Variants in SEC63 observed in about 807,000 individuals in gnomAD.
The protein encoded by SEC63 is translocation protein SEC63 homolog.
In SEC63, 56 loss-of-function variants were observed where a neutral mutation model predicts 116.2. The observed-to-expected ratio is 0.48, with a 90% CI of 0.39 to 0.60. The LOEUF (loss-of-function observed/expected upper bound fraction) is 0.60, where lower values mean the gene tolerates loss of function less well. Ranked by LOEUF, SEC63 falls within the 20% of genes least tolerant of loss-of-function variation. The pLI is 0.00. For missense variants in SEC63, 668 were observed against 900.0 expected (o/e 0.74, Z 3.30); for synonymous variants, 273 against 294.6 (o/e 0.93, Z 0.75).
At chr6:107,897,354 A>G (rs550996251) in intron 14 of SEC63, among the ~76,000 whole-genome samples, 2 of 152,362 alleles carry the variant, frequency 1.3e-5, no homozygotes, top group South Asian at 4.1e-4. Context: ...TGAAATTCTC[A>G]TCAGTAACAA....
chr6:107,907,122 C>A (rs1277275027), intron 8 of SEC63, among the ~76,000 whole-genome samples: 1 of 151,944 alleles, frequency 6.6e-6, no homozygotes, highest in East Asian at 1.9e-4. Flanking sequence ...AAAAGGGGGC[C>A]CTATGATTAA....
chr6:107,922,746 C>A (rs1045968267), intron 3 of SEC63, among the ~76,000 whole-genome samples: 4 of 151,952 alleles, frequency 2.6e-5, no homozygotes, highest in African/African-American at 9.7e-5. Flanking sequence ...TGACTATGAT[C>A]AATGCAATAA....
intron 14 of SEC63, among the ~76,000 whole-genome samples, chr6:107,894,520 A>AT (rs10685629): frequency 0.021 from 3,219 of 151,074 alleles, 44 homozygotes; most frequent in Middle Eastern, 0.059. Context: ...TAAAAAAAAA[A>AT]CACCATGAAA....
At chr6:107,879,696 G>A (rs1786366412) in intron 18 of SEC63, among the ~76,000 whole-genome samples, 1 of 150,946 alleles carries the variant, frequency 6.6e-6, no homozygotes, top group Admixed American at 6.6e-5. Context: ...ATTTGAAAAA[G>A]GCATTTTGCT....
chr6:107,924,338 G>A (rs1787624864), intron 3 of SEC63, among the ~76,000 whole-genome samples: 1 of 150,710 alleles, frequency 6.6e-6, no homozygotes, highest in Admixed American at 6.6e-5. Context: ...TAGCACTTTG[G>A]GAGGCCGAGG....
intron 4 of SEC63, among the ~76,000 whole-genome samples, chr6:107,921,584 T>C (rs554627096): frequency 4.5e-4 from 69 of 152,098 alleles, no homozygotes; most frequent in African/African-American, 1.6e-3. Context: ...CCCAAGTAGC[T>C]AGGACTACAG....
At chr6:107,931,937 G>A (rs941907471) in intron 1 of SEC63, 1 of 152,772 alleles carries the variant, frequency 6.5e-6, no homozygotes, top group African/African-American at 2.4e-5. Flanking sequence ...ACCTTCCAGT[G>A]GCCTAAGACA....
intron 7 of SEC63, among the ~76,000 whole-genome samples, chr6:107,910,007 GCACA>G (rs1194096773): frequency 6.6e-6 from 1 of 152,046 alleles, no homozygotes; most frequent in African/African-American, 2.4e-5. Flanking sequence ...ACAGAATAAT[GCACA>G]CATACAGTAA....
chr6:107,904,409 C>CAA (rs1385624947), intron 11 of SEC63, among the ~76,000 whole-genome samples: 19 of 111,754 alleles, frequency 1.7e-4, no homozygotes, highest in African/African-American at 5.0e-4. Flanking sequence ...GACTCCATCT[C>CAA]AAAAAAAAAA....
intron 1 of SEC63, among the ~76,000 whole-genome samples, chr6:107,934,552 G>A (rs1390220300): frequency 1.4e-5 from 2 of 140,108 alleles, no homozygotes; most frequent in East Asian, 2.2e-4. Context: ...GAGCCCCTAC[G>A]CCTGGCAGCC....
chr6:107,953,134 C>A (rs1770614334), intron 1 of SEC63, among the ~76,000 whole-genome samples: 1 of 152,150 alleles, frequency 6.6e-6, no homozygotes, highest in Non-Finnish European at 1.5e-5. Context: ...GTGGCTCGCG[C>A]CAGTTTTCCT....
At chr6:107,939,014 A>G (rs1770315034) in intron 1 of SEC63, among the ~76,000 whole-genome samples, 1 of 152,230 alleles carries the variant, frequency 6.6e-6, no homozygotes, top group Non-Finnish European at 1.5e-5. Context: ...CGGGCACAGT[A>G]GCTCATGCCT....
chr6:107,950,350 C>G (rs1770553526), intron 1 of SEC63, among the ~76,000 whole-genome samples: 1 of 152,106 alleles, frequency 6.6e-6, no homozygotes. Flanking sequence ...AATACACCCT[C>G]CATCCCCAAA....
chr6:107,895,086 C>T (rs1786783821), intron 14 of SEC63, among the ~76,000 whole-genome samples: 1 of 152,204 alleles, frequency 6.6e-6, no homozygotes, highest in African/African-American at 2.4e-5. Flanking sequence ...GGTTCTGATA[C>T]TTGATTACTC....
intron 16 of SEC63, among the ~76,000 whole-genome samples, chr6:107,886,715 T>C (rs2114413848): frequency 6.6e-6 from 1 of 151,358 alleles, no homozygotes; most frequent in Admixed American, 6.6e-5. Context: ...TTTGTTTTTT[T>C]CCTGTAAATC....
intron 1 of SEC63, among the ~76,000 whole-genome samples, chr6:107,950,605 G>A (rs1384625121): frequency 6.6e-6 from 1 of 152,160 alleles, no homozygotes; most frequent in East Asian, 1.9e-4. Flanking sequence ...ATAAAGATGA[G>A]TATACTGAGA....
chr6:107,956,077 G>A, intron 1 of SEC63: 1 of 349,386 alleles, frequency 2.9e-6, no homozygotes, highest in Non-Finnish European at 5.8e-6. Context: ...GCAAGTTCAA[G>A]ACCAGCCTGG....
chr6:107,894,696 G>C (rs1786773408), intron 14 of SEC63, among the ~76,000 whole-genome samples: 1 of 151,692 alleles, frequency 6.6e-6, no homozygotes, highest in South Asian at 2.1e-4. Context: ...CAAGTAAAAA[G>C]TTATAATTTT....
At chr6:107,917,461 GA>G (rs1787434493) in intron 4 of SEC63, among the ~76,000 whole-genome samples, 1 of 151,826 alleles carries the variant, frequency 6.6e-6, no homozygotes, top group Non-Finnish European at 1.5e-5. Context: ...ATGTTTAAAC[GA>G]AAAAAGACTC....
Sources: gnomAD v4.1 joint callset for allele counts (sites outside exome capture counted in the v4.1 genomes callset) on GRCh38, gnomAD v4.1.1 for gene constraint, MANE v1.5 for transcripts, NCBI Gene and HGNC (gene_info 2026-07-23, HGNC 2026-07-21) for gene names.